Variants in ZNF385D observed in about 807,000 individuals in gnomAD.
ZNF385D encodes the protein zinc finger protein 385D.
In ZNF385D, 15 loss-of-function variants were observed where a neutral mutation model predicts 35.8. The observed-to-expected ratio is 0.42, with a 90% CI of 0.28 to 0.64. The LOEUF is 0.64. ZNF385D is among the 30% of genes least tolerant of loss of function. ZNF385D has a pLI of 0.23. For missense variants in ZNF385D, 474 were observed against 494.6 expected, an observed-to-expected ratio of 0.96 and a Z score of 0.39; for synonymous variants, 212 against 186.8, an observed-to-expected ratio of 1.13 and a Z score of -1.10.
intron 3 of ZNF385D, among the ~76,000 whole-genome samples, chr3:22,116,878 G>A (rs528328369): frequency 6.6e-6 from 1 of 152,068 alleles, no homozygotes; most frequent in Non-Finnish European, 1.5e-5. Flanking sequence ...AACTTATAAT[G>A]AAAACACTGA....
chr3:21,720,902 C>T (rs909374861), intron 1 of ZNF385D, among the ~76,000 whole-genome samples: 1 of 152,138 alleles, frequency 6.6e-6, no homozygotes, highest in Non-Finnish European at 1.5e-5. Flanking sequence ...GTGATTGCAA[C>T]CACGCAATTA....
chr3:22,162,164 T>C (rs1705999718), intron 3 of ZNF385D, among the ~76,000 whole-genome samples: 1 of 152,136 alleles, frequency 6.6e-6, no homozygotes, highest in Non-Finnish European at 1.5e-5. Context: ...AAGTATTAAA[T>C]CGTGTTGCAT....
intron 3 of ZNF385D, among the ~76,000 whole-genome samples, chr3:21,895,701 T>C (rs796238489): frequency 2.8e-4 from 43 of 152,020 alleles, no homozygotes; most frequent in African/African-American, 1.0e-3. Context: ...ATAGTGGCAG[T>C]ATGCAGGACC....
intron 1 of ZNF385D, among the ~76,000 whole-genome samples, chr3:21,721,679 A>G (rs2068547007): frequency 6.6e-6 from 1 of 152,332 alleles, no homozygotes; most frequent in Admixed American, 6.5e-5. Context: ...GTGAAATGCT[A>G]TACTTTATGG....
At chr3:22,034,704 G>T (rs1698206621) in intron 3 of ZNF385D, among the ~76,000 whole-genome samples, 1 of 152,004 alleles carries the variant, frequency 6.6e-6, no homozygotes, top group Non-Finnish European at 1.5e-5. Flanking sequence ...CTATTTTAAA[G>T]AATATTATAA....
chr3:21,461,358 G>A (rs111928571), intron 4 of ZNF385D, among the ~76,000 whole-genome samples: 3,191 of 151,928 alleles, frequency 0.021, 107 homozygotes, highest in African/African-American at 0.073. Flanking sequence ...AGACCACCTA[G>A]CCAACACAGT....
At chr3:22,050,175 G>A (rs1293669650) in intron 3 of ZNF385D, among the ~76,000 whole-genome samples, 1 of 151,306 alleles carries the variant, frequency 6.6e-6, no homozygotes, top group African/African-American at 2.4e-5. Flanking sequence ...AGACCAGCCT[G>A]GGCAAAAAAG....
chr3:21,522,609 A>T (rs1707978100), intron 3 of ZNF385D, among the ~76,000 whole-genome samples: 1 of 152,118 alleles, frequency 6.6e-6, no homozygotes, highest in African/African-American at 2.4e-5. Flanking sequence ...AAGTGCTAGG[A>T]TTACAGATGT....
chr3:22,189,682 T>A (rs1292501653), intron 2 of ZNF385D, among the ~76,000 whole-genome samples: 1 of 152,212 alleles, frequency 6.6e-6, no homozygotes, highest in African/African-American at 2.4e-5. Context: ...TTTATCTTCC[T>A]GCTCACCACC....
intron 3 of ZNF385D, among the ~76,000 whole-genome samples, chr3:21,758,787 G>A (rs966207637): frequency 6.6e-6 from 1 of 151,574 alleles, no homozygotes; most frequent in Non-Finnish European, 1.5e-5. Flanking sequence ...TCAGAAAGTT[G>A]TGTATATTTT....
chr3:22,270,652 T>C (rs1362721426), intron 2 of ZNF385D, among the ~76,000 whole-genome samples: 6 of 149,992 alleles, frequency 4.0e-5, no homozygotes, highest in African/African-American at 1.5e-4. Context: ...AGCTACATGA[T>C]GTGAGATCTT....
chr3:21,762,780 G>A (rs181193076), intron 3 of ZNF385D, among the ~76,000 whole-genome samples: 84 of 152,268 alleles, frequency 5.5e-4, no homozygotes, highest in African/African-American at 1.8e-3. Context: ...GCCCTTGGTC[G>A]TGGACCATAT....
chr3:21,958,764 T>C (rs1391578621), intron 3 of ZNF385D: 3 of 139,384 alleles, frequency 2.2e-5, no homozygotes, highest in East Asian at 2.1e-4. Flanking sequence ...GGCTTGCGGA[T>C]AGCAATCAGA....
At chr3:21,566,814 C>CAAGTT (rs1575201633) in intron 2 of ZNF385D, among the ~76,000 whole-genome samples, 2 of 152,276 alleles carry the variant, frequency 1.3e-5, no homozygotes, top group African/African-American at 4.8e-5. Context: ...ACTATCTGGA[C>CAAGTT]AAGTTCCCTC....
intron 3 of ZNF385D, among the ~76,000 whole-genome samples, chr3:22,058,714 AT>A (rs1015509607): frequency 6.6e-6 from 1 of 152,334 alleles, no homozygotes; most frequent in Non-Finnish European, 1.5e-5. Context: ...ACTCTAAAAC[AT>A]TTTTTATTGC....
chr3:21,825,273 T>A (rs1694528508), intron 3 of ZNF385D, among the ~76,000 whole-genome samples: 1 of 152,194 alleles, frequency 6.6e-6, no homozygotes, highest in Admixed American at 6.5e-5. Flanking sequence ...TCTATGAAGC[T>A]TGCATCTAAC....
intron 3 of ZNF385D, among the ~76,000 whole-genome samples, chr3:22,039,489 A>T (rs866348319): frequency 3.2e-4 from 49 of 152,062 alleles, no homozygotes; most frequent in Non-Finnish European, 1.2e-4. Context: ...ATTTTTCATC[A>T]TTCTCTCTTT....
intron 3 of ZNF385D, among the ~76,000 whole-genome samples, chr3:21,989,552 G>A (rs1051688990): frequency 6.6e-6 from 1 of 151,998 alleles, no homozygotes; most frequent in East Asian, 1.9e-4. Flanking sequence ...ACAAATATTT[G>A]AATAAATGAT....
intron 1 of ZNF385D, among the ~76,000 whole-genome samples, chr3:21,674,753 T>G (rs746815474): frequency 2.6e-5 from 4 of 152,078 alleles, no homozygotes; most frequent in Non-Finnish European, 5.9e-5. Context: ...CTAGCCAACA[T>G]TACTAGACTT....
Sources: allele counts gnomAD v4.1 joint callset (sites outside exome capture counted in the v4.1 genomes callset), GRCh38; gene constraint gnomAD v4.1.1; transcripts MANE v1.5; gene names NCBI Gene and HGNC (gene_info 2026-07-23, HGNC 2026-07-21).